LRCH3: variants seen among roughly 807,000 people sequenced by gnomAD.
LRCH3 encodes leucine rich repeats and calponin homology domain containing 3.
Under a neutral mutation model 104.5 loss-of-function variants are expected in LRCH3, and 68 were observed. The observed-to-expected ratio is 0.65, with a 90% CI of 0.54 to 0.80. LRCH3 has a LOEUF of 0.80. Among genes scored for constraint, LRCH3 ranks in the 30% least tolerant of loss-of-function variants. The pLI is 0.00. For synonymous variants in LRCH3, 344 were observed against 361.3 expected (o/e 0.95, Z 0.54); for missense variants, 951 against 953.9 (o/e 1.00, Z 0.04).
chr3:197,882,716 T>C lies in LRCH3; in HGVS notation c.2209-825T>C, dbSNP rs887103617. On this transcript the variant is annotated intron_variant, in intron 20 of 20. Transcript: ENST00000425562. ...GCCTTTTTCTCTCACAAGAAAGGGT[T>C]AACCTAACAAATTAACGATGCACAC... 6.2e-5 allele frequency: 61 copies of C among 985,380 alleles called. No individual in the cohort carries two copies. The African/African-American group carries it at 9.9e-4, about 16-fold the overall frequency. 61.0% of individuals were successfully genotyped at this position (985,380 alleles called of 1,614,324 possible). A position where few individuals can be genotyped will look rare whatever the true frequency, so the allele number is the denominator to read the frequency against.
At chr3:197,881,706 T>G (rs1373212964) in intron 20 of LRCH3, 1 of 985,240 alleles carries the variant, frequency 1.0e-6, no homozygotes, top group Non-Finnish European at 1.2e-6. Context: ...GTTTCATAAG[T>G]GGTGTTTCTG....
At chr3:197,821,611 A>G (rs548683223) in intron 4 of LRCH3, among the ~76,000 whole-genome samples, 9 of 152,324 alleles carry the variant, frequency 5.9e-5, no homozygotes, top group South Asian at 2.1e-4. Flanking sequence ...GAATCTTCTC[A>G]AGGTATTTTC....
chr3:197,884,716 T>C lies in LRCH3; in HGVS notation c.*1050T>C, dbSNP rs1714065718. The stretch of plus-strand genomic sequence containing the variant: ...ACATTTAAAATCAAAAGCTATATTA[T>C]GAGGAGTTGGACTGTTCTGTCAAAG... On this transcript the variant is annotated 3_prime_UTR_variant, in exon 21 of 21. Transcript: ENST00000425562. The C allele has an allele frequency of 6.6e-6, 1 of 152,266 alleles. No homozygotes were observed. The highest frequency in any genetic ancestry group is 2.1e-4 in the South Asian group (1 of 4,834). 9.4% of individuals were successfully genotyped at this position (152,266 alleles called of 1,614,324 possible).
chr3:197,853,627 C>T (rs1327393267), intron 13 of LRCH3, among the ~76,000 whole-genome samples: 1 of 152,164 alleles, frequency 6.6e-6, no homozygotes, highest in Non-Finnish European at 1.5e-5. Flanking sequence ...CAACAATTTT[C>T]AGTGTTTTTA....
At chr3:197,803,695 A>G (rs1387291782) in intron 1 of LRCH3, among the ~76,000 whole-genome samples, 1 of 152,038 alleles carries the variant, frequency 6.6e-6, no homozygotes, top group Non-Finnish European at 1.5e-5. Flanking sequence ...CTTTACTCTA[A>G]AAGTTATTTT....
chr3:197,881,391 C>G (rs1335479896), intron 20 of LRCH3: 24 of 986,406 alleles, frequency 2.4e-5, no homozygotes, highest in Admixed American at 6.1e-5. Context: ...TGAGCCCAGT[C>G]TATACGCTGT....
At chr3:197,793,799 A>G (rs1730891781) in intron 1 of LRCH3, among the ~76,000 whole-genome samples, 1 of 152,194 alleles carries the variant, frequency 6.6e-6, no homozygotes, top group South Asian at 2.1e-4. Context: ...AAAAGATTAC[A>G]AGGTATTTTA....
intron 10 of LRCH3, among the ~76,000 whole-genome samples, chr3:197,845,389 G>GTGAGA (rs1738506733): frequency 6.9e-6 from 1 of 145,246 alleles, no homozygotes; most frequent in Admixed American, 6.9e-5. Context: ...GGACAACAGA[G>GTGAGA]TGAGATGAGA....
chr3:197,843,484 A>G (rs554115482), intron 10 of LRCH3, among the ~76,000 whole-genome samples: 21 of 152,248 alleles, frequency 1.4e-4, no homozygotes, highest in South Asian at 8.3e-4. Context: ...GGAATTCAAG[A>G]CCAGCCTGGC....
chr3:197,871,436 A>G lies in LRCH3; in HGVS notation c.2104A>G (p.Ser702Gly), dbSNP rs73089368. Residue 702 changes from serine (S) to glycine (G), a missense_variant, in exon 19 of 21, where the codon AGC becomes GGC. Ser to Gly is a moderately conservative substitution (Grantham distance 56). Transcript: ENST00000425562. ...ANHVRPRSVP[S>G]IHVPSPAVPK... Reference sequence around the variant, plus strand: ...TCATGTGCGACCTCGATCTGTCCCAAGCATTCATGTTCCCTCACCAGCTGT... The same window carrying G: ...TCATGTGCGACCTCGATCTGTCCCAGGCATTCATGTTCCCTCACCAGCTGT... 4 of 1,614,074 alleles carry G rather than the reference A, an allele frequency of 2.5e-6. No individual in the cohort carries two copies. In the African/African-American group the frequency reaches 4.0e-5, roughly 16 times the overall value.
chr3:197,867,937 T>A (rs1711543539), intron 17 of LRCH3, among the ~76,000 whole-genome samples: 1 of 152,036 alleles, frequency 6.6e-6, no homozygotes, highest in Non-Finnish European at 1.5e-5. Flanking sequence ...GGCGGGAGGA[T>A]GGATTGAGCC....
intron 10 of LRCH3, among the ~76,000 whole-genome samples, chr3:197,846,195 G>T (rs1018704957): frequency 6.6e-6 from 1 of 152,072 alleles, no homozygotes; most frequent in African/African-American, 2.4e-5. Context: ...GAAAGCTCAG[G>T]AGTTTGAGAG....
chr3:197,883,687 A>G lies in LRCH3; in HGVS notation c.*21A>G. On this transcript the variant is annotated 3_prime_UTR_variant, in exon 21 of 21. Coordinates refer to ENST00000425562, the MANE Select transcript of LRCH3 (RefSeq NM_001365715.1). This position sits in a 1 kb window ranked among gnomAD's most constrained non-coding sequence, Gnocchi z 4.2. ...TTTGAGGATCCCCAGGACGGTGGGC[A>G]CTGGCCTGGCCAAAACAAGGAACAG... The G allele has an allele frequency of 6.5e-7, 1 of 1,532,832 alleles. No individual in the cohort carries two copies. The highest frequency in any genetic ancestry group is 8.7e-7 in the Non-Finnish European group (1 of 1,145,426). 95.0% of individuals were successfully genotyped at this position (1,532,832 alleles called of 1,614,324 possible).
intron 5 of LRCH3, among the ~76,000 whole-genome samples, chr3:197,827,711 C>G (rs552432631): frequency 4.6e-5 from 7 of 151,910 alleles, no homozygotes; most frequent in Non-Finnish European, 8.8e-5. Flanking sequence ...TAGTTAATTT[C>G]TTAATTTTTT....
At chr3:197,858,297 T>G (rs1398131029) in intron 14 of LRCH3, among the ~76,000 whole-genome samples, 1 of 152,164 alleles carries the variant, frequency 6.6e-6, no homozygotes, top group Non-Finnish European at 1.5e-5. Flanking sequence ...AGATAAAGGA[T>G]TCGAAGAAAA....
chr3:197,882,444 CA>C (rs1385027528), intron 20 of LRCH3: 2 of 951,408 alleles, frequency 2.1e-6, no homozygotes, highest in African/African-American at 1.8e-5. Flanking sequence ...ATAACTGCCT[CA>C]AAAATACTTG....
intron 9 of LRCH3, among the ~76,000 whole-genome samples, chr3:197,836,703 AG>A (rs1230216480): frequency 3.3e-5 from 5 of 152,250 alleles, no homozygotes; most frequent in Non-Finnish European, 7.3e-5. Flanking sequence ...TTAATGAAGC[AG>A]AGTCACTCTG....
Position 197,814,896 on chromosome 3 carries a change from T to G in LRCH3, c.263-12T>G. 1 of 1,573,508 alleles carries G rather than the reference T, an allele frequency of 6.4e-7. No homozygotes were observed. The highest frequency in any genetic ancestry group is 2.3e-5 in the East Asian group (1 of 43,792). ...AGGACTGATTTTAAACCTAATTTAA[T>G]TTTTCTTTTAGACCTGTCGCGAAAT... is the stretch of plus-strand genomic sequence containing the variant. On this transcript the variant is annotated splice_polypyrimidine_tract_variant and intron_variant, in intron 1 of 20. Transcript: ENST00000425562.
rs187982239 is a variant in LRCH3, at chr3:197,805,055, T to G, written c.263-9853T>G. Among the ~76,000 whole-genome samples the G allele has an allele frequency of 8.9e-4, 136 of 152,214 alleles. 3 individuals carry two copies. The East Asian group carries it at 0.013, about 14-fold the overall frequency. ...GATTACAGGTGCGTGCCACCACACC[T>G]GGCTAATTTTGTATTTTTGGTAGAG... On this transcript the variant is annotated intron_variant, in intron 1 of 20. Transcript: ENST00000425562.
Sources: gnomAD v4.1 joint callset for allele counts (sites outside exome capture counted in the v4.1 genomes callset) on GRCh38, gnomAD v4.1.1 for gene constraint, Gnocchi (gnomAD v3.1) non-coding constraint, MANE v1.5 for transcripts, NCBI Gene and HGNC (gene_info 2026-07-23, HGNC 2026-07-21) for gene names.